The following OCA2 variants were observed in gnomAD, a reference collection of about 807,000 sequenced individuals.
OCA2 encodes OCA2 melanosomal transmembrane protein.
OCA2 carries 77 observed loss-of-function variants against 100.2 expected under a neutral mutation model. That is an observed-to-expected ratio of 0.77 (90% CI 0.64 to 0.93). OCA2 has a LOEUF of 0.93. Among genes scored for constraint, OCA2 ranks in the 40% least tolerant of loss-of-function variants. OCA2 has a pLI of 0.00. For missense variants in OCA2, 1,062 were observed against 1,089.1 expected, an observed-to-expected ratio of 0.98 and a Z score of 0.35; for synonymous variants, 432 against 439.2, an observed-to-expected ratio of 0.98 and a Z score of 0.21.
At position 27,822,881 on chromosome 15, in the gene OCA2, G is replaced by T. The variant is rs564755553; in HGVS notation, c.2432+22078C>A. Among the ~76,000 whole-genome samples the T allele has an allele frequency of 6.6e-5, 10 of 152,256 alleles. No individual in the cohort carries two copies. In the East Asian group the frequency reaches 9.7e-4, roughly 15 times the overall value. ...AATGGTAACTTTTGATGACCAAAAG[G>T]TCTTAAATATAGTCTGATCTTGTTT... On this transcript the variant is annotated intron_variant, in intron 23 of 23. Coordinates refer to ENST00000354638, the MANE Select transcript of OCA2 (RefSeq NM_000275.3).
intron 14 of OCA2, among the ~76,000 whole-genome samples, chr15:27,974,281 T>G (rs1401010866): frequency 2.0e-5 from 3 of 152,254 alleles, no homozygotes. Flanking sequence ...CTATTTGAGT[T>G]CCTTGATGAA....
At chr15:27,804,749 C>T (rs1333764492) in intron 23 of OCA2, among the ~76,000 whole-genome samples, 3 of 152,176 alleles carry the variant, frequency 2.0e-5, no homozygotes, top group Non-Finnish European at 2.9e-5. Context: ...CGCCCCTCCT[C>T]CCCTTGGCCA....
At chr15:27,729,723 T>C in the OCA2 span, among the ~76,000 whole-genome samples, 2 of 152,212 alleles carry the variant, frequency 1.3e-5, no homozygotes, top group Non-Finnish European at 1.5e-5. Flanking sequence ...GACTCATGGT[T>C]GTTATTAAAT....
Position 28,027,983 on chromosome 15 carries a change from C to G in OCA2, c.403G>C (p.Glu135Gln). 6.2e-7 allele frequency: 1 copy of G among 1,614,198 alleles called. No homozygotes were observed. Among genetic ancestry groups the G allele is most frequent in the Non-Finnish European group, 8.5e-7 (1 of 1,180,036 alleles). ...TCCCTGCTTAGCAGGTATCTTCGCTCCCAGTCAGCAGAGCTGTCTTCCCAA... is the reference window on the plus strand; with the variant it reads ...TCCCTGCTTAGCAGGTATCTTCGCTGCCAGTCAGCAGAGCTGTCTTCCCAA... ...ESWEDSSADWERRYLLSREVS... is the reference protein window; with the variant it reads ...ESWEDSSADWQRRYLLSREVS... The change falls in exon 4 of 24, where the codon GAG (glutamate) becomes CAG (glutamine). Residue 135 changes from glutamate to glutamine, a missense_variant. Glu to Gln is a conservative substitution (Grantham distance 29). Coordinates refer to ENST00000354638, the MANE Select transcript of OCA2 (RefSeq NM_000275.3).
At chr15:27,871,831 T>TCCCC (rs2036588783) in intron 20 of OCA2, 32 bp downstream of exon 20, 1 of 1,388,156 alleles carries the variant, frequency 7.2e-7, no homozygotes, top group Non-Finnish European at 1.0e-6. Flanking sequence ...GAACAGTGGC[T>TCCCC]GGAGTGCCTT....
At chr15:28,052,398 C>T (rs2043545279) in intron 2 of OCA2, among the ~76,000 whole-genome samples, 1 of 152,318 alleles carries the variant, frequency 6.6e-6, no homozygotes, top group South Asian at 2.1e-4. Context: ...AATTACAGTA[C>T]AGCCACAGAT....
At chr15:27,949,201 C>A (rs1204333952) in intron 18 of OCA2, among the ~76,000 whole-genome samples, 1 of 152,194 alleles carries the variant, frequency 6.6e-6, no homozygotes. Flanking sequence ...TATGACAGCA[C>A]CCTATGTTAT....
downstream of OCA2, among the ~76,000 whole-genome samples, chr15:27,750,962 G>C (rs2030045505): frequency 1.3e-5 from 2 of 152,162 alleles, no homozygotes; most frequent in South Asian, 4.1e-4. Flanking sequence ...TAGCCTCACA[G>C]GTCATTGATT....
chr15:27,989,346 A>G (rs1229565892), intron 11 of OCA2, among the ~76,000 whole-genome samples: 1 of 152,192 alleles, frequency 6.6e-6, no homozygotes, highest in African/African-American at 2.4e-5. Context: ...AAATAACTCA[A>G]AAGAATTGCT....
chr15:27,934,830 T>C (rs2039393537), intron 18 of OCA2, among the ~76,000 whole-genome samples: 1 of 152,198 alleles, frequency 6.6e-6, no homozygotes, highest in Non-Finnish European at 1.5e-5. Context: ...TTCCCTGCAA[T>C]AGCCTACAAT....
chr15:28,027,822 G>A (rs780229201), intron 4 of OCA2, 49 bp downstream of exon 4: 21 of 1,591,346 alleles, frequency 1.3e-5, no homozygotes, highest in East Asian at 8.9e-5. Flanking sequence ...TGTAGGACGC[G>A]ATGTGCGGCC....
chr15:27,770,551 C>T (rs1450384080), intron 23 of OCA2, among the ~76,000 whole-genome samples: 7 of 151,954 alleles, frequency 4.6e-5, no homozygotes, highest in Non-Finnish European at 1.0e-4. Flanking sequence ...CCCTCGCCGC[C>T]GGGGAAGGTC....
chr15:27,927,109 G>A (rs1184258576), intron 18 of OCA2, among the ~76,000 whole-genome samples: 1 of 152,142 alleles, frequency 6.6e-6, no homozygotes, highest in Non-Finnish European at 1.5e-5. Flanking sequence ...GACCAACATG[G>A]AGAAACCCCG....
chr15:27,743,982 C>T, the OCA2 span, among the ~76,000 whole-genome samples: 156 of 152,272 alleles, frequency 1.0e-3, 1 homozygote, highest in African/African-American at 3.5e-3. Context: ...CCATATCCCC[C>T]CAGGAAACCT....
At chr15:27,854,578 G>A (rs1006165572) in intron 21 of OCA2, among the ~76,000 whole-genome samples, 4 of 152,186 alleles carry the variant, frequency 2.6e-5, no homozygotes, top group African/African-American at 7.2e-5. Context: ...TGGCAGCAGG[G>A]TGCTCCCATG....
the OCA2 span, among the ~76,000 whole-genome samples, chr15:27,737,281 G>C: frequency 5.9e-5 from 9 of 152,198 alleles, no homozygotes; most frequent in African/African-American, 1.4e-4. Context: ...ATAGCAGGTA[G>C]GTTTATAGAA....
chr15:27,808,534 G>T (rs1240678124), intron 23 of OCA2, among the ~76,000 whole-genome samples: 2 of 152,204 alleles, frequency 1.3e-5, no homozygotes, highest in African/African-American at 4.8e-5. Flanking sequence ...CTAAAACCAT[G>T]CATGGTGTGG....
intron 2 of OCA2, among the ~76,000 whole-genome samples, chr15:28,033,382 G>A (rs2042963197): frequency 6.6e-6 from 1 of 152,162 alleles, no homozygotes; most frequent in African/African-American, 2.4e-5. Flanking sequence ...CACAACAAAG[G>A]AAGAAATTTT....
chr15:27,775,084 G>GTGTGTGTGTGTGTGTGTC (rs2032122130), intron 23 of OCA2, among the ~76,000 whole-genome samples: 1 of 151,836 alleles, frequency 6.6e-6, no homozygotes, highest in Non-Finnish European at 1.5e-5. Context: ...GTGTGTGTGT[G>GTGTGTGTGTGTGTGTGTC]TGTGTGTGTG....
Sources: allele counts gnomAD v4.1 joint callset (sites outside exome capture counted in the v4.1 genomes callset), GRCh38; gene constraint gnomAD v4.1.1; transcripts MANE v1.5; gene names NCBI Gene and HGNC (gene_info 2026-07-23, HGNC 2026-07-21).